MGAT5: variants seen among roughly 807,000 people sequenced by gnomAD.
MGAT5 encodes the protein alpha-1,6-mannosylglycoprotein 6-beta-N-acetylglucosaminyltransferase A.
A neutral mutation model predicts 94.3 loss-of-function variants in MGAT5; 30 were observed. That is an observed-to-expected ratio of 0.32 (90% CI 0.24 to 0.43). The LOEUF (loss-of-function observed/expected upper bound fraction) is 0.43, where lower values mean the gene tolerates loss of function less well. Ranked by LOEUF, MGAT5 falls within the 20% of genes least tolerant of loss-of-function variation. The pLI, the probability that MGAT5 is intolerant of heterozygous loss-of-function variation, is 1.00. For missense variants in MGAT5, 691 were observed against 905.5 expected (o/e 0.76, Z 3.04); for synonymous variants, 310 against 322.9 (o/e 0.96, Z 0.43).
intron 1 of MGAT5, among the ~76,000 whole-genome samples, chr2:134,236,165 C>T (rs547171523): frequency 1.8e-4 from 27 of 152,318 alleles, no homozygotes; most frequent in Admixed American, 4.6e-4. Context: ...TGTAACTCTG[C>T]GCAGTGTTCA....
rs16830511 is a variant in MGAT5, at chr2:134,375,833, A to C, written c.1380+13425A>C. 8.0e-3 allele frequency among the ~76,000 whole-genome samples: 1,221 copies of C among 152,250 alleles called. 16 individuals carry two copies. Among genetic ancestry groups the C allele is most frequent in the African/African-American group, 0.028 (1,151 of 41,512 alleles). ...TAATTATGTCAGAGCACATCTCGTC[A>C]ACTGGAGAGGGCCCAGAAAGTCAGT... On this transcript the variant is annotated intron_variant, in intron 10 of 15. Transcript: ENST00000281923.
intron 1 of MGAT5, among the ~76,000 whole-genome samples, chr2:134,191,764 G>T (rs909745350): frequency 4.0e-5 from 6 of 148,432 alleles, no homozygotes; most frequent in Non-Finnish European, 7.4e-5. Context: ...GCGCTAGCAG[G>T]TTCCTGATGG....
intron 1 of MGAT5, among the ~76,000 whole-genome samples, chr2:134,264,375 T>TAACAA (rs1372369772): frequency 6.6e-6 from 1 of 152,190 alleles, no homozygotes; most frequent in African/African-American, 2.4e-5. Flanking sequence ...TCCATCCACT[T>TAACAA]AACAAATATT....
In MGAT5 at chr2:134,182,780, GTTTTTTT is replaced by G. The variant is rs5834402; in HGVS notation, c.-143+62507_-143+62513del. Among the ~76,000 whole-genome samples, 9 of 87,052 alleles carry G rather than the reference GTTTTTTT, an allele frequency of 1.0e-4. 1 individual carries two copies. In the Admixed American group the frequency reaches 1.1e-3, roughly 11 times the overall value. The allele number at this position is 87,052 out of a possible 152,430, so 57.1% of individuals were successfully genotyped here. ...TTATATAGTGCATGTTAGAAGATTA[GTTTTTTT>G]TTTTTTTTTTTTTTTTTGAGACAGA... On this transcript the variant is annotated intron_variant, in intron 1 of 16. Transcript: ENST00000409645.
chr2:134,379,490 AAGG>A (rs1681401953), intron 10 of MGAT5, among the ~76,000 whole-genome samples: 1 of 152,172 alleles, frequency 6.6e-6, no homozygotes, highest in African/African-American at 2.4e-5. Flanking sequence ...CCAGCTGGAT[AAGG>A]AGTTCAAAGA....
At chr2:134,267,145 A>C (rs3791276) in intron 1 of MGAT5, among the ~76,000 whole-genome samples, 21,960 of 152,074 alleles carry the variant, frequency 0.14, 2,568 homozygotes, top group East Asian at 0.36. Context: ...ATTCCCTAAC[A>C]AGTAGATTCA....
At chr2:134,240,275 T>A (rs922683709) in intron 1 of MGAT5, among the ~76,000 whole-genome samples, 1 of 152,118 alleles carries the variant, frequency 6.6e-6, no homozygotes, top group Admixed American at 6.5e-5. Context: ...TTGGAACAGC[T>A]GGAGCAGTGA....
intron 11 of MGAT5, among the ~76,000 whole-genome samples, chr2:134,405,628 A>G (rs1683290243): frequency 6.6e-6 from 1 of 152,264 alleles, no homozygotes; most frequent in African/African-American, 2.4e-5. Context: ...GCAGCCGAGA[A>G]GCAGATGTCT....
At chr2:134,284,997 T>G (rs868760991) in intron 2 of MGAT5, among the ~76,000 whole-genome samples, 2 of 152,206 alleles carry the variant, frequency 1.3e-5, no homozygotes, top group African/African-American at 4.8e-5. Flanking sequence ...GAGTTTTGAT[T>G]TTTTGTTTTG....
intron 4 of MGAT5, among the ~76,000 whole-genome samples, chr2:134,328,744 A>G (rs1687786878): frequency 1.3e-5 from 2 of 152,074 alleles, no homozygotes; most frequent in East Asian, 1.9e-4. Context: ...GCAGCAAACA[A>G]TAAAATCAGT....
chr2:134,384,627 T>C (rs1339695194), intron 10 of MGAT5, among the ~76,000 whole-genome samples: 1 of 152,220 alleles, frequency 6.6e-6, no homozygotes, highest in Non-Finnish European at 1.5e-5. Context: ...AGAAGTACAC[T>C]TACCTTTCGG....
intron 1 of MGAT5, among the ~76,000 whole-genome samples, chr2:134,158,082 A>G (rs893558545): frequency 6.6e-6 from 1 of 152,176 alleles, no homozygotes; most frequent in African/African-American, 2.4e-5. Context: ...TGATTGGTCC[A>G]TGGGCGGCCA....
chr2:134,325,862 T>C (rs981812538), intron 4 of MGAT5, among the ~76,000 whole-genome samples: 6 of 152,110 alleles, frequency 3.9e-5, no homozygotes, highest in Admixed American at 1.3e-4. Flanking sequence ...CTCTGAATTT[T>C]GGTTACAGCC....
intron 4 of MGAT5, among the ~76,000 whole-genome samples, chr2:134,331,837 G>A (rs546636829): frequency 5.9e-5 from 9 of 152,206 alleles, no homozygotes; most frequent in African/African-American, 1.9e-4. Context: ...AGAAGGTGGT[G>A]GGTAGGATTC....
chr2:134,325,659 A>T (rs768715585), intron 4 of MGAT5, among the ~76,000 whole-genome samples: 6 of 152,148 alleles, frequency 3.9e-5, no homozygotes, highest in Non-Finnish European at 7.4e-5. Context: ...ACATCAGATT[A>T]GTATTCACAT....
chr2:134,299,293 C>T (rs2105813274), intron 2 of MGAT5, among the ~76,000 whole-genome samples: 1 of 152,270 alleles, frequency 6.6e-6, no homozygotes, highest in Non-Finnish European at 1.5e-5. Flanking sequence ...AGAGGATGGT[C>T]AAAGCCAACA....
chr2:134,145,910 C>T (rs1686895184), intron 1 of MGAT5, among the ~76,000 whole-genome samples: 1 of 152,232 alleles, frequency 6.6e-6, no homozygotes, highest in African/African-American at 2.4e-5. Flanking sequence ...TGTACATTTC[C>T]ACCCTGCTGG....
At chr2:134,232,250 T>G (rs1681408529) in intron 1 of MGAT5, among the ~76,000 whole-genome samples, 1 of 152,226 alleles carries the variant, frequency 6.6e-6, no homozygotes, top group Admixed American at 6.5e-5. Flanking sequence ...CGGATTTTCA[T>G]GAGCCACCCT....
chr2:134,282,901 C>A (rs11893203), intron 2 of MGAT5, among the ~76,000 whole-genome samples: 14,005 of 152,000 alleles, frequency 0.092, 1,514 homozygotes, highest in African/African-American at 0.26. Context: ...TGTACAACAG[C>A]CCAGGGCACA....
Sources: allele counts gnomAD v4.1 joint callset (sites outside exome capture counted in the v4.1 genomes callset), GRCh38; gene constraint gnomAD v4.1.1; transcripts MANE v1.5; gene names NCBI Gene and HGNC (gene_info 2026-07-23, HGNC 2026-07-21).